The following NRXN1 variants were observed in gnomAD, a reference collection of about 807,000 sequenced individuals.
NRXN1 encodes the protein neurexin 1.
Under a neutral mutation model 150.9 loss-of-function variants are expected in NRXN1, and 39 were observed. The observed-to-expected ratio is 0.26, with a 90% CI of 0.20 to 0.34. The LOEUF (loss-of-function observed/expected upper bound fraction) is 0.34, where lower values mean the gene tolerates loss of function less well. Among genes scored for constraint, NRXN1 ranks in the 10% least tolerant of loss-of-function variants. The pLI is 1.00. For synonymous variants in NRXN1, 924 were observed against 757.0 expected (o/e 1.22, Z -3.62); for missense variants, 1,815 against 1,949.9 (o/e 0.93, Z 1.30).
intron 17 of NRXN1, among the ~76,000 whole-genome samples, chr2:50,361,812 G>A (rs1326508949): frequency 2.0e-5 from 3 of 151,986 alleles, no homozygotes; most frequent in Non-Finnish European, 1.5e-5. Flanking sequence ...AAAATTTCAG[G>A]CCAATATCCC....
At chr2:50,204,658 A>T (rs1426869313) in intron 18 of NRXN1, among the ~76,000 whole-genome samples, 1 of 151,968 alleles carries the variant, frequency 6.6e-6, no homozygotes, top group Admixed American at 6.6e-5. Flanking sequence ...TTGGGTGCTT[A>T]TTTTTGGCCA....
At chr2:50,251,525 A>T (rs1379847416) in intron 17 of NRXN1, among the ~76,000 whole-genome samples, 1 of 152,032 alleles carries the variant, frequency 6.6e-6, no homozygotes, top group Non-Finnish European at 1.5e-5. Flanking sequence ...AGAATGATTT[A>T]TTGTTCTTTG....
intron 17 of NRXN1, among the ~76,000 whole-genome samples, chr2:50,338,588 G>A (rs774114466): frequency 6.6e-6 from 1 of 151,310 alleles, no homozygotes; most frequent in Non-Finnish European, 1.5e-5. Context: ...TGCATAGATA[G>A]GAACTAAATC....
chr2:50,777,809 G>T lies in NRXN1; in HGVS notation c.832+144060C>A, dbSNP rs565575979. On this transcript the variant is annotated intron_variant, in intron 5 of 22. Coordinates refer to ENST00000401669, the MANE Select transcript of NRXN1 (RefSeq NM_001330078.2). ...ACACTGGACTGAGAATTAGGCCTTGGGCAAATCAAATCCATTCTGAGTCTA... is the reference window on the plus strand; with the variant it reads ...ACACTGGACTGAGAATTAGGCCTTGTGCAAATCAAATCCATTCTGAGTCTA... 6.3e-4 allele frequency among the ~76,000 whole-genome samples: 96 copies of T among 152,166 alleles called. 1 individual carries two copies. In the Middle Eastern group the frequency reaches 0.027, roughly 43 times the overall value.
chr2:50,787,170 C>T (rs1227134797), intron 5 of NRXN1, among the ~76,000 whole-genome samples: 1 of 152,076 alleles, frequency 6.6e-6, no homozygotes. Context: ...TCATTGTGTG[C>T]TCTAGTTGCT....
intron 2 of NRXN1, among the ~76,000 whole-genome samples, chr2:51,008,378 G>A (rs574335650): frequency 3.9e-5 from 6 of 152,024 alleles, no homozygotes; most frequent in Admixed American, 6.6e-5. Flanking sequence ...AAAGCATGAC[G>A]TGTAGAGACA....
intron 17 of NRXN1, among the ~76,000 whole-genome samples, chr2:50,441,678 T>C (rs985074048): frequency 4.6e-5 from 7 of 152,186 alleles, no homozygotes; most frequent in African/African-American, 1.4e-4. Flanking sequence ...TGAAAATCAA[T>C]TATTTTAAGT....
rs140298723 is a variant in NRXN1, at chr2:50,007,067, G to C, written c.4128+46204C>G. On this transcript the variant is annotated intron_variant, in intron 21 of 22. Coordinates refer to ENST00000401669, the MANE Select transcript of NRXN1 (RefSeq NM_001330078.2). ...CTGTGCTATCAAGGGAACAGGCCAG[G>C]TACAGTGGCTCACACCTGCAATCCT... Among the ~76,000 whole-genome samples the C allele has an allele frequency of 3.7e-3, 569 of 152,218 alleles. 2 individuals are homozygous for C. The highest frequency in any genetic ancestry group is 6.2e-3 in the Non-Finnish European group (421 of 68,006).
chr2:50,506,703 G>C (rs1367952326), intron 12 of NRXN1, 86 bp from the exon 13 acceptor site: 6 of 1,374,238 alleles, frequency 4.4e-6, no homozygotes, highest in South Asian at 2.7e-5. Context: ...AAGAGACAAG[G>C]GGGGAAGGTG....
At chr2:50,739,220 A>G (rs1422538877) in intron 5 of NRXN1, 1 of 495,512 alleles carries the variant, frequency 2.0e-6, no homozygotes. Context: ...GAAATCGACC[A>G]AGGGCACTGG....
chr2:50,315,536 A>G (rs1013775566), intron 17 of NRXN1, among the ~76,000 whole-genome samples: 6 of 152,274 alleles, frequency 3.9e-5, no homozygotes, highest in Non-Finnish European at 7.4e-5. Context: ...TTGCTGGTTA[A>G]CAGAAGGCAC....
At chr2:50,107,257 T>TA (rs3046682) in intron 18 of NRXN1, among the ~76,000 whole-genome samples, 28 of 143,882 alleles carry the variant, frequency 1.9e-4, no homozygotes, top group Middle Eastern at 3.5e-3. Flanking sequence ...TCTGATACAT[T>TA]AAAAAAAAAA....
chr2:51,030,826 CA>C (rs1253340235), intron 1 of NRXN1, among the ~76,000 whole-genome samples: 1 of 152,010 alleles, frequency 6.6e-6, no homozygotes, highest in Non-Finnish European at 1.5e-5. Flanking sequence ...TCTGGAATAT[CA>C]TGATCAAGAG....
chr2:50,988,280 T>G (rs1037863332), intron 2 of NRXN1, among the ~76,000 whole-genome samples: 3 of 151,972 alleles, frequency 2.0e-5, no homozygotes, highest in African/African-American at 7.2e-5. Flanking sequence ...TCATTATTTA[T>G]TAACTCATCT....
intron 21 of NRXN1, among the ~76,000 whole-genome samples, chr2:50,046,922 C>G (rs984950314): frequency 6.6e-6 from 1 of 152,134 alleles, no homozygotes; most frequent in Non-Finnish European, 1.5e-5. Flanking sequence ...ATACATGATA[C>G]AAAACTCAAC....
intron 17 of NRXN1, among the ~76,000 whole-genome samples, chr2:50,251,166 T>G (rs992439273): frequency 5.9e-5 from 9 of 151,828 alleles, no homozygotes; most frequent in Admixed American, 5.9e-4. Flanking sequence ...TTAGCATTCA[T>G]CCTGATGCTC....
chr2:50,275,375 T>C (rs1457328873), intron 17 of NRXN1, among the ~76,000 whole-genome samples: 2 of 152,202 alleles, frequency 1.3e-5, no homozygotes, highest in East Asian at 3.8e-4. Flanking sequence ...ATTTGTCAAA[T>C]ATTAGTCTAA....
chr2:50,906,551 T>C (rs560132963), intron 5 of NRXN1, among the ~76,000 whole-genome samples: 11 of 152,144 alleles, frequency 7.2e-5, no homozygotes, highest in African/African-American at 1.7e-4. Flanking sequence ...TGTTTTCTTA[T>C]CTTTGGTTCT....
chr2:50,465,977 G>T (rs187219325), intron 16 of NRXN1, among the ~76,000 whole-genome samples: 1 of 151,926 alleles, frequency 6.6e-6, no homozygotes, highest in Admixed American at 6.6e-5. Flanking sequence ...AGATAAGATT[G>T]GCAAAATAAC....
Sources: allele counts gnomAD v4.1 joint callset (sites outside exome capture counted in the v4.1 genomes callset), GRCh38; gene constraint gnomAD v4.1.1; transcripts MANE v1.5; gene names NCBI Gene and HGNC (gene_info 2026-07-23, HGNC 2026-07-21).